TMEM220: variants seen among roughly 807,000 people sequenced by gnomAD.
TMEM220 encodes transmembrane protein 220.
A neutral mutation model predicts 21.7 loss-of-function variants in TMEM220; 21 were observed. The observed-to-expected ratio is 0.97, with a 90% CI of 0.69 to 1.39. The LOEUF (loss-of-function observed/expected upper bound fraction) is 1.39. TMEM220 is among the 40% of genes most tolerant of loss of function. TMEM220 has a pLI of 0.00. For missense variants in TMEM220, 191 were observed against 201.9 expected, an observed-to-expected ratio of 0.95 and a Z score of 0.33; for synonymous variants, 80 against 73.6, an observed-to-expected ratio of 1.09 and a Z score of -0.45.
At chr17:10,711,370 G>C (rs1483036001), downstream of TMEM220, 4 of 509,764 alleles carry the variant, frequency 7.8e-6, no homozygotes, top group East Asian at 1.4e-4. Flanking sequence ...GGGGTGTATA[G>C]TCCTCATAAG....
intron 5 of TMEM220, among the ~76,000 whole-genome samples, chr17:10,722,530 T>C (rs2075004756): frequency 6.6e-6 from 1 of 152,202 alleles, no homozygotes. Flanking sequence ...CCTTGACTTA[T>C]CAAAGTTTAA....
chr17:10,716,626 G>T, intron 5 of TMEM220: 3 of 394,604 alleles, frequency 7.6e-6, no homozygotes, highest in Non-Finnish European at 1.5e-5. Context: ...CCTTGGAATT[G>T]ATTTTTATGA....
intron 2 of TMEM220, 40 bp downstream of exon 2, chr17:10,728,991 C>G (rs746426190): frequency 6.2e-7 from 1 of 1,612,038 alleles, no homozygotes; most frequent in Admixed American, 1.7e-5. Flanking sequence ...TTCCCCAATT[C>G]TTCCAAACGG....
downstream of TMEM220, among the ~76,000 whole-genome samples, chr17:10,711,552 G>T (rs387022): frequency 0.49 from 74,883 of 151,664 alleles, 19,150 homozygotes; most frequent in African/African-American, 0.63. Context: ...GACAATTTCT[G>T]CTCAGAACAC....
At chr17:10,725,649 T>C (rs1271948408) in intron 3 of TMEM220, among the ~76,000 whole-genome samples, 3 of 152,182 alleles carry the variant, frequency 2.0e-5, no homozygotes, top group Non-Finnish European at 4.4e-5. Context: ...TGACAGATGG[T>C]GGAACTGAGA....
At chr17:10,712,800 T>C (rs927520742), downstream of TMEM220, among the ~76,000 whole-genome samples, 3 of 152,194 alleles carry the variant, frequency 2.0e-5, no homozygotes, top group African/African-American at 2.4e-5. Context: ...GCAAGAAATA[T>C]GGCAGAAAAG....
intron 1 of TMEM220, among the ~76,000 whole-genome samples, chr17:10,729,398 C>T (rs772412382): frequency 6.6e-5 from 10 of 152,036 alleles, no homozygotes; most frequent in Non-Finnish European, 1.0e-4. Context: ...GTCCCCAAGC[C>T]GACTAAAAAG....
At chr17:10,723,433 C>G (rs897093630) in intron 4 of TMEM220, 104 bp from the exon 5 acceptor site, 1 of 808,776 alleles carries the variant, frequency 1.2e-6, no homozygotes, top group East Asian at 2.5e-5. Flanking sequence ...GATTGAGTGA[C>G]TGACTCTCCC....
In TMEM220 at chr17:10,713,994, T is replaced by C. The variant is rs972785099; in HGVS notation, c.*1459A>G. The C allele has an allele frequency of 6.6e-6, 1 of 152,216 alleles. No homozygotes were observed. The highest frequency in any genetic ancestry group is 1.5e-5 in the Non-Finnish European group (1 of 68,034). The allele number at this position is 152,216 out of a possible 1,614,324, so 9.4% of individuals were successfully genotyped here. Reference sequence around the variant, plus strand: ...AGTATCTGACCACAGAGTTTGATGCTTGTGTATGTAAAATGTTGCCATCTA... The same window carrying C: ...AGTATCTGACCACAGAGTTTGATGCCTGTGTATGTAAAATGTTGCCATCTA... On this transcript the variant is annotated 3_prime_UTR_variant, in exon 6 of 6. Coordinates refer to ENST00000341871, the MANE Select transcript of TMEM220 (RefSeq NM_001004313.3).
intron 5 of TMEM220, among the ~76,000 whole-genome samples, chr17:10,719,184 G>A (rs1332316779): frequency 6.6e-6 from 1 of 152,104 alleles, no homozygotes; most frequent in African/African-American, 2.4e-5. Flanking sequence ...AAGTGGTGTT[G>A]AGATAACCAG....
In TMEM220 at chr17:10,715,344, T is replaced by TAA. The variant is rs1555532744; in HGVS notation, c.*107_*108dup. 0.017 allele frequency: 14,184 copies of TAA among 840,468 alleles called. 679 individuals are homozygous for TAA. The highest frequency in any genetic ancestry group is 0.16 in the East Asian group (5,158 of 33,188). 52.1% of individuals were successfully genotyped at this position (840,468 alleles called of 1,614,324 possible). A position where few individuals can be genotyped will look rare whatever the true frequency, so the allele number is the denominator to read the frequency against. On this transcript the variant is annotated 3_prime_UTR_variant, in exon 6 of 6. Transcript: ENST00000341871. ...ACCCTTAAAAAGTTATTTGGAGTTT[T>TAA]AAAACTATTAGCCCAAATTACCTGA...
chr17:10,715,777 G>T (rs1029750270), intron 5 of TMEM220, among the ~76,000 whole-genome samples, 189 bp from the exon 6 acceptor site: 1 of 151,920 alleles, frequency 6.6e-6, no homozygotes. Flanking sequence ...GTTTATATGT[G>T]TTACAAATAC....
chr17:10,722,853 G>A (rs1426236915), intron 5 of TMEM220, among the ~76,000 whole-genome samples: 1 of 152,106 alleles, frequency 6.6e-6, no homozygotes, highest in African/African-American at 2.4e-5. Flanking sequence ...GAGTGACCAG[G>A]ATACTTTAAA....
At chr17:10,727,871 A>G (rs184458599) in intron 2 of TMEM220, among the ~76,000 whole-genome samples, 2 of 152,290 alleles carry the variant, frequency 1.3e-5, no homozygotes, top group Non-Finnish European at 2.9e-5. Context: ...AAGATAAAAG[A>G]TATTTAGAGC....
chr17:10,715,870 T>C, intron 5 of TMEM220: 1 of 353,108 alleles, frequency 2.8e-6, no homozygotes, highest in Non-Finnish European at 5.1e-6. Context: ...CTAATGATTT[T>C]TGTGCTGTTT....
At chr17:10,712,336 C>T (rs368437), downstream of TMEM220, among the ~76,000 whole-genome samples, 75,440 of 151,786 alleles carry the variant, frequency 0.5, 19,498 homozygotes, top group African/African-American at 0.65. Flanking sequence ...TGGTAACATT[C>T]AGGGCCCAAC....
At position 10,726,200 on chromosome 17, in the gene TMEM220, A is replaced by G; in HGVS notation, c.163+4T>C. 6.2e-7 allele frequency: 1 copy of G among 1,612,780 alleles called. No homozygotes were observed. Among genetic ancestry groups the G allele is most frequent in the Non-Finnish European group, 8.5e-7 (1 of 1,178,762 alleles). On this transcript the variant is annotated splice_donor_region_variant and intron_variant, in intron 3 of 5. Coordinates refer to ENST00000341871, the MANE Select transcript of TMEM220 (RefSeq NM_001004313.3). ...TCTCTCCATTTAGAATGCAAGGCTT[A>G]TACCTGTGACTTCAGGGTTAAGTCC... is the stretch of plus-strand genomic sequence containing the variant.
downstream of TMEM220, among the ~76,000 whole-genome samples, chr17:10,713,037 G>T (rs532787442): frequency 3.3e-5 from 5 of 152,130 alleles, no homozygotes; most frequent in South Asian, 1.0e-3. Flanking sequence ...TTGGGAGGCC[G>T]AGGTGGGTGG....
chr17:10,719,555 G>C (rs896309284), intron 5 of TMEM220, among the ~76,000 whole-genome samples: 1 of 152,092 alleles, frequency 6.6e-6, no homozygotes, highest in Non-Finnish European at 1.5e-5. Context: ...GTGAGCCACC[G>C]CATCCGGCCT....
Sources: allele counts gnomAD v4.1 joint callset (sites outside exome capture counted in the v4.1 genomes callset), GRCh38; gene constraint gnomAD v4.1.1; transcripts MANE v1.5; gene names NCBI Gene and HGNC (gene_info 2026-07-23, HGNC 2026-07-21).